The following RUNX2 variants were observed in gnomAD, a reference collection of about 807,000 sequenced individuals.
The protein encoded by RUNX2 is RUNX family transcription factor 2, also known as runt-related transcription factor 2.
RUNX2 carries 10 observed loss-of-function variants against 51.7 expected under a neutral mutation model. The observed-to-expected ratio is 0.19, with a 90% CI of 0.12 to 0.33. RUNX2 has a LOEUF of 0.33. Ranked by LOEUF, RUNX2 falls within the 10% of genes least tolerant of loss-of-function variation. RUNX2 has a pLI of 1.00. For synonymous variants in RUNX2, 276 were observed against 273.6 expected (o/e 1.01, Z -0.09); for missense variants, 562 against 691.3 (o/e 0.81, Z 2.10).
chr6:45,394,297 G>T (rs906384954), intron 2 of RUNX2, among the ~76,000 whole-genome samples: 2 of 151,938 alleles, frequency 1.3e-5, no homozygotes, highest in Non-Finnish European at 2.9e-5. Context: ...TGAGGGATCC[G>T]CCCCCATGAC....
At chr6:45,438,282 G>A (rs913891902) in intron 5 of RUNX2, among the ~76,000 whole-genome samples, 2 of 152,080 alleles carry the variant, frequency 1.3e-5, no homozygotes, top group Non-Finnish European at 2.9e-5. Flanking sequence ...CGTAGCTTTG[G>A]GAAATGAGTG....
At chr6:45,357,527 T>C (rs1793466309) in intron 2 of RUNX2, among the ~76,000 whole-genome samples, 1 of 152,014 alleles carries the variant, frequency 6.6e-6, no homozygotes. Flanking sequence ...GTCTCAAGTA[T>C]GTTGCCCGGG....
At chr6:45,546,699 C>T in intron 8 of RUNX2, 128 bp from the exon 9 acceptor site, 1 of 784,764 alleles carries the variant, frequency 1.3e-6, no homozygotes, top group Non-Finnish European at 2.1e-6. Flanking sequence ...ATTTGAAGGT[C>T]TGTCTGTGGC....
intron 2 of RUNX2, among the ~76,000 whole-genome samples, chr6:45,355,210 C>T (rs1192212006): frequency 1.3e-5 from 2 of 151,570 alleles, no homozygotes; most frequent in Non-Finnish European, 2.9e-5. Context: ...AATCCTCCTG[C>T]CTCAGCCTCC....
intron 5 of RUNX2, among the ~76,000 whole-genome samples, chr6:45,451,280 G>A (rs1038056867): frequency 5.3e-5 from 8 of 152,100 alleles, no homozygotes; most frequent in African/African-American, 1.2e-4. Context: ...TCTGGGTCCC[G>A]AATAACATGT....
intron 5 of RUNX2, among the ~76,000 whole-genome samples, chr6:45,480,111 C>T (rs1188614495): frequency 6.6e-6 from 1 of 152,194 alleles, no homozygotes; most frequent in African/African-American, 2.4e-5. Context: ...CTTCATTACA[C>T]CTGGCTGAAT....
At chr6:45,399,739 AAG>A (rs1797663938) in intron 2 of RUNX2, among the ~76,000 whole-genome samples, 1 of 148,770 alleles carries the variant, frequency 6.7e-6, no homozygotes, top group Non-Finnish European at 1.5e-5. Flanking sequence ...CAAGTGGGGA[AAG>A]AGAGAAAGGA....
chr6:45,410,644 C>T (rs1233464207), intron 2 of RUNX2, among the ~76,000 whole-genome samples: 4 of 152,076 alleles, frequency 2.6e-5, no homozygotes, highest in Non-Finnish European at 5.9e-5. Context: ...CTTCTTCAAT[C>T]GTGTGGTTCC....
intron 2 of RUNX2, among the ~76,000 whole-genome samples, chr6:45,353,549 A>G (rs1792511498): frequency 6.6e-6 from 1 of 152,116 alleles, no homozygotes; most frequent in Admixed American, 6.5e-5. Flanking sequence ...ATAATTTGAG[A>G]TGGTAAGTAC....
At chr6:45,539,190 G>A (rs1802140680) in intron 7 of RUNX2, among the ~76,000 whole-genome samples, 3 of 137,556 alleles carry the variant, frequency 2.2e-5, no homozygotes, top group Admixed American at 2.2e-4. Context: ...AGGAATGGCT[G>A]AATTTTCTGA....
intron 2 of RUNX2, among the ~76,000 whole-genome samples, chr6:45,335,128 A>G: frequency 6.6e-6 from 1 of 151,240 alleles, no homozygotes; most frequent in East Asian, 1.9e-4. Context: ...AACCTGGGTA[A>G]ACAATTTAAG....
At chr6:45,487,776 G>A (rs988425680) in intron 5 of RUNX2, among the ~76,000 whole-genome samples, 7 of 152,174 alleles carry the variant, frequency 4.6e-5, no homozygotes, top group Non-Finnish European at 1.0e-4. Flanking sequence ...CACTGAACTA[G>A]GTTGTGAGAT....
intron 2 of RUNX2, among the ~76,000 whole-genome samples, chr6:45,396,599 T>C (rs938144002): frequency 6.6e-6 from 1 of 152,128 alleles, no homozygotes; most frequent in East Asian, 1.9e-4. Flanking sequence ...AGAGACAGGG[T>C]CTCGCTATGT....
chr6:45,532,322 C>T (rs1365357853), intron 7 of RUNX2, among the ~76,000 whole-genome samples: 1 of 151,756 alleles, frequency 6.6e-6, no homozygotes, highest in Non-Finnish European at 1.5e-5. Flanking sequence ...CAGACTTGTC[C>T]AATATGTAGC....
intron 2 of RUNX2, among the ~76,000 whole-genome samples, chr6:45,336,745 T>C (rs561422276): frequency 4.6e-5 from 7 of 151,592 alleles, no homozygotes; most frequent in East Asian, 1.9e-4. Flanking sequence ...ACATATTAGA[T>C]GTACAAAAAG....
At chr6:45,503,282 G>GGTCTATTTTT (rs1800853774) in intron 6 of RUNX2, among the ~76,000 whole-genome samples, 1 of 152,126 alleles carries the variant, frequency 6.6e-6, no homozygotes, top group African/African-American at 2.4e-5. Context: ...CCAGGGATTA[G>GGTCTATTTTT]GTCTATTTTT....
intron 2 of RUNX2, among the ~76,000 whole-genome samples, chr6:45,393,579 G>A (rs1015604871): frequency 3.3e-5 from 5 of 151,748 alleles, no homozygotes; most frequent in Admixed American, 2.6e-4. Context: ...GCAGGCGCCC[G>A]CCACCACCCC....
intron 2 of RUNX2, among the ~76,000 whole-genome samples, chr6:45,351,737 T>G (rs555633476): frequency 6.6e-5 from 10 of 152,166 alleles, no homozygotes; most frequent in Non-Finnish European, 8.8e-5. Context: ...CCAAAGTTAG[T>G]GATCAGAACC....
At chr6:45,514,414 T>C (rs1190932910) in intron 7 of RUNX2, among the ~76,000 whole-genome samples, 1 of 152,216 alleles carries the variant, frequency 6.6e-6, no homozygotes, top group African/African-American at 2.4e-5. Flanking sequence ...TCCAGCCATG[T>C]ATCTATCTTA....
Sources: gnomAD v4.1 joint callset for allele counts (sites outside exome capture counted in the v4.1 genomes callset) on GRCh38, gnomAD v4.1.1 for gene constraint, MANE v1.5 for transcripts, NCBI Gene and HGNC (gene_info 2026-07-23, HGNC 2026-07-21) for gene names.